VANGL1: variants seen among roughly 807,000 people sequenced by gnomAD.
The protein encoded by VANGL1 is VANGL planar cell polarity protein 1.
VANGL1 carries 18 observed loss-of-function variants against 48.4 expected under a neutral mutation model. The observed-to-expected ratio is 0.37, with a 90% CI of 0.26 to 0.55. The LOEUF (loss-of-function observed/expected upper bound fraction) is 0.55. Among genes scored for constraint, VANGL1 ranks in the 20% least tolerant of loss-of-function variants. The pLI is 0.81. For synonymous variants in VANGL1, 257 were observed against 261.8 expected (o/e 0.98, Z 0.18); for missense variants, 667 against 675.8 (o/e 0.99, Z 0.14).
At chr1:115,682,959 C>T (rs1053905703) in intron 5 of VANGL1, among the ~76,000 whole-genome samples, 10 of 152,154 alleles carry the variant, frequency 6.6e-5, no homozygotes, top group Non-Finnish European at 1.5e-4. Flanking sequence ...GGAGGCCAGG[C>T]TGGGTAAGTC....
At chr1:115,689,281 A>G (rs1053966252) in intron 7 of VANGL1, among the ~76,000 whole-genome samples, 5 of 136,972 alleles carry the variant, frequency 3.7e-5, no homozygotes, top group Non-Finnish European at 7.9e-5. Context: ...GCCTTACAAT[A>G]GATGCTCCAC....
intron 3 of VANGL1, among the ~76,000 whole-genome samples, chr1:115,661,581 A>G (rs1652549060): frequency 1.3e-5 from 2 of 151,514 alleles, no homozygotes; most frequent in Non-Finnish European, 2.9e-5. Flanking sequence ...TTTGTTATCC[A>G]TTCTCCTAGT....
intron 3 of VANGL1, among the ~76,000 whole-genome samples, chr1:115,663,024 A>T (rs1450083992): frequency 6.6e-6 from 1 of 152,068 alleles, no homozygotes; most frequent in Non-Finnish European, 1.5e-5. Context: ...TGACCTCCTG[A>T]TCCGTCCGCC....
In VANGL1 at chr1:115,651,959, G is replaced by T. The variant is rs182186469; in HGVS notation, c.71+475G>T. On this transcript the variant is annotated intron_variant, in intron 2 of 7. Coordinates refer to ENST00000355485, the MANE Select transcript of VANGL1 (RefSeq NM_138959.3). ...TTTAGTAGAGACGGGGTTTCACCTT[G>T]TTGGCCAGGATGGTCTCGATCTGAC... Among the ~76,000 whole-genome samples the T allele has an allele frequency of 2.5e-4, 38 of 152,206 alleles. No homozygotes were observed. The East Asian group carries it at 7.4e-3, about 29-fold the overall frequency.
chr1:115,663,661 G>T lies in VANGL1; in HGVS notation c.205G>T (p.Asp69Tyr). ...ATCCTCACTGTCTTCTCCCCACCAG[G>T]ATGACAACTGGGGAGAGACCACCAC... ...NDSTRTEEVQ[D>Y]DNWGETTTAI... The change falls in exon 4 of 8, where the codon GAT (aspartate) becomes TAT (tyrosine). Residue 69 changes from aspartate to tyrosine, a missense_variant and splice_region_variant. Coordinates refer to ENST00000355485, the MANE Select transcript of VANGL1 (RefSeq NM_138959.3). 6.2e-7 allele frequency: 1 copy of T among 1,614,160 alleles called. No individual in the cohort carries two copies. Among genetic ancestry groups the T allele is most frequent in the Non-Finnish European group, 8.5e-7 (1 of 1,180,038 alleles).
chr1:115,658,972 C>CA (rs1652445952), intron 2 of VANGL1, among the ~76,000 whole-genome samples: 1 of 151,794 alleles, frequency 6.6e-6, no homozygotes, highest in African/African-American at 2.4e-5. Context: ...AACACACACA[C>CA]ATCCACCCAC....
intron 5 of VANGL1, among the ~76,000 whole-genome samples, chr1:115,683,384 C>T (rs10754332): frequency 0.65 from 98,733 of 152,110 alleles, 32,328 homozygotes; most frequent in South Asian, 0.75. Flanking sequence ...TATTCATTAA[C>T]GGGTCACGTT....
At chr1:115,689,477 C>CA (rs371531433) in intron 7 of VANGL1, among the ~76,000 whole-genome samples, 16 of 130,122 alleles carry the variant, frequency 1.2e-4, no homozygotes, top group South Asian at 2.6e-4. Context: ...ACTAAAAATA[C>CA]AAAAAAAAAA....
At chr1:115,648,765 G>A (rs1486190741) in intron 1 of VANGL1, among the ~76,000 whole-genome samples, 1 of 152,218 alleles carries the variant, frequency 6.6e-6, no homozygotes, top group South Asian at 2.1e-4. Flanking sequence ...AGCTGGATCT[G>A]CCCACATCTG....
chr1:115,645,897 C>G (rs1160412605), intron 1 of VANGL1, among the ~76,000 whole-genome samples: 1 of 152,164 alleles, frequency 6.6e-6, no homozygotes, highest in East Asian at 1.9e-4. Context: ...CAGTGCGTGT[C>G]TCTGTAACCC....
rs893863806 is a variant in VANGL1, at chr1:115,696,966, T to C, written c.*5587T>C. Reference sequence around the variant, plus strand: ...ACTTCTTTTGGCACTGAAATGGTATTTGGGAAGCATTATTTGAATGTACAG... The same window carrying C: ...ACTTCTTTTGGCACTGAAATGGTATCTGGGAAGCATTATTTGAATGTACAG... On this transcript the variant is annotated 3_prime_UTR_variant, in exon 8 of 8. Transcript: ENST00000355485. The C allele has an allele frequency of 6.6e-6, 1 of 152,254 alleles. No homozygotes were observed. The highest frequency in any genetic ancestry group is 2.4e-5 in the African/African-American group (1 of 41,472). The allele number at this position is 152,254 out of a possible 1,614,324, so 9.4% of individuals were successfully genotyped here. A position where few individuals can be genotyped will look rare whatever the true frequency, so the allele number is the denominator to read the frequency against.
At chr1:115,648,804 A>G (rs764631581) in intron 1 of VANGL1, among the ~76,000 whole-genome samples, 1 of 152,116 alleles carries the variant, frequency 6.6e-6, no homozygotes, top group Non-Finnish European at 1.5e-5. Flanking sequence ...CCTCTGAGAC[A>G]CTCCAGCAGC....
In VANGL1 at chr1:115,663,752, T is replaced by C; in HGVS notation, c.296T>C (p.Met99Thr). The change falls in exon 4 of 8, where the codon ATG becomes ACG. Residue 99 changes from methionine (M) to threonine (T), a missense_variant. Physicochemically the swap from Met to Thr is moderately conservative, Grantham distance 81 (BLOSUM62 -1). Coordinates refer to ENST00000355485, the MANE Select transcript of VANGL1 (RefSeq NM_138959.3). ...GACATTGCCAGGATCAGCAAGGACA[T>C]GGAGGACAGCGTGGGGCTGGATTGC... ...QEDIARISKD[M>T]EDSVGLDCKR... is the part of the protein sequence containing the mutation. The C allele has an allele frequency of 1.2e-6, 2 of 1,614,210 alleles. No homozygotes were observed. Among genetic ancestry groups the C allele is most frequent in the Non-Finnish European group, 8.5e-7 (1 of 1,180,038 alleles).
At chr1:115,642,349 C>T (rs992370481) in intron 1 of VANGL1, among the ~76,000 whole-genome samples, 32 of 152,122 alleles carry the variant, frequency 2.1e-4, no homozygotes, top group African/African-American at 7.7e-4. Context: ...GTGCGATCTC[C>T]GCCGCACCCC....
rs1653492471 is a variant in VANGL1, at chr1:115,683,973, CG to C, written c.979del (p.Ala327ProfsTer2). 1 of 1,613,848 alleles carries C rather than the reference CG, an allele frequency of 6.2e-7. No homozygotes were observed. Among genetic ancestry groups the C allele is most frequent in the Admixed American group, 1.7e-5 (1 of 59,982 alleles). On this transcript the variant is annotated frameshift_variant, in exon 6 of 8. Coordinates refer to ENST00000355485, the MANE Select transcript of VANGL1 (RefSeq NM_138959.3). LOFTEE classifies it high-confidence loss of function. Reference protein sequence around the residue: ...GPSNNATGQSRAMIAAAARRR... With the variant: ...GPSNNATGQSXAMIAAAARRR... ...CAGTAACAATGCCACTGGCCAGTCC[CG>C]GGCCATGATTGCTGCAGCTGCTCGG...
chr1:115,643,098 T>C (rs558046891), intron 1 of VANGL1, among the ~76,000 whole-genome samples: 1 of 152,302 alleles, frequency 6.6e-6, no homozygotes, highest in South Asian at 2.1e-4. Flanking sequence ...ATGATGATGA[T>C]TGTGTAGATG....
intron 7 of VANGL1, among the ~76,000 whole-genome samples, chr1:115,687,201 G>A (rs1188188837): frequency 7.2e-6 from 1 of 138,772 alleles, no homozygotes; most frequent in Non-Finnish European, 1.6e-5. Flanking sequence ...TATACACAAA[G>A]GTGGTGTTTT....
rs1362350254 is a variant in VANGL1 at position 115,689,617 on chromosome 1, CAA to C, written c.1315-1501_1315-1500del. On this transcript the variant is annotated intron_variant, in intron 7 of 7. Coordinates refer to ENST00000355485, the MANE Select transcript of VANGL1 (RefSeq NM_138959.3). ...TGCCATTGCACTCCAGCCTGGGTAA[CAA>C]GAGTGAAACTCTGCCTCAAAAAAAA... 5.3e-5 allele frequency among the ~76,000 whole-genome samples: 7 copies of C among 133,004 alleles called. 1 individual carries two copies. Among genetic ancestry groups the C allele is most frequent in the African/African-American group, 2.0e-4 (7 of 34,974 alleles). 87.3% of individuals were successfully genotyped at this position (133,004 alleles called of 152,430 possible).
At position 115,649,057 on chromosome 1, in the gene VANGL1, C is replaced by T. The variant is rs148791464; in HGVS notation, c.-137-2220C>T. 6.7e-4 allele frequency among the ~76,000 whole-genome samples: 102 copies of T among 152,180 alleles called. 1 individual carries two copies. In the South Asian group the frequency reaches 6.8e-3, roughly 10 times the overall value. On this transcript the variant is annotated intron_variant, in intron 1 of 7. Transcript: ENST00000355485. ...TCTTCGAAGCACATCCTAATGTTGA[C>T]GTCTGCCTGTTATGAAGCAGGTGAG...
Sources: gnomAD v4.1 joint callset for allele counts (sites outside exome capture counted in the v4.1 genomes callset) on GRCh38, gnomAD v4.1.1 for gene constraint, MANE v1.5 for transcripts, NCBI Gene and HGNC (gene_info 2026-07-23, HGNC 2026-07-21) for gene names.